The following IL1RAPL1 variants were observed in gnomAD, a reference collection of about 807,000 sequenced individuals.
IL1RAPL1 encodes the protein interleukin 1 receptor accessory protein like 1.
A neutral mutation model predicts 48.4 loss-of-function variants in IL1RAPL1; 3 were observed. The observed-to-expected ratio is 0.06, with a 90% CI of 0.03 to 0.16. The LOEUF (loss-of-function observed/expected upper bound fraction) is 0.16, where lower values mean the gene tolerates loss of function less well. Ranked by LOEUF, IL1RAPL1 falls within the 10% of genes least tolerant of loss-of-function variation. The probability of loss-of-function intolerance (pLI) is 1.00; values close to 1 mark genes in which losing one functional copy is unlikely to be tolerated. For missense variants in IL1RAPL1, 349 were observed against 530.6 expected, an observed-to-expected ratio of 0.66 and a Z score of 3.36; for synonymous variants, 185 against 187.7, an observed-to-expected ratio of 0.99 and a Z score of 0.12.
At chrX:29,843,139 C>T (rs140274653) in intron 6 of IL1RAPL1, among the ~76,000 whole-genome samples, 4,754 of 111,636 alleles carry the variant, frequency 0.043, 240 homozygotes, top group African/African-American at 0.14. Context: ...AATATTATGG[C>T]GTGTACTGAA....
chrX:29,226,444 C>CTTTTT (rs57929074), intron 2 of IL1RAPL1, among the ~76,000 whole-genome samples: 21 of 86,845 alleles, frequency 2.4e-4, no homozygotes, highest in South Asian at 5.3e-4. Context: ...TTCTTTCTTT[C>CTTTTT]TTTTTTTTTT....
At chrX:29,943,174 C>G (rs772029275) in intron 9 of IL1RAPL1, among the ~76,000 whole-genome samples, 2 of 111,946 alleles carry the variant, frequency 1.8e-5, no homozygotes, top group East Asian at 5.6e-4. Context: ...CTTTCTTTTT[C>G]TTAAGTTTTT....
At chrX:29,803,183 GTATA>G (rs755820654) in intron 6 of IL1RAPL1, among the ~76,000 whole-genome samples, 10 of 25,352 alleles carry the variant, frequency 3.9e-4, no homozygotes, top group African/African-American at 1.6e-3. Context: ...ATACATATAT[GTATA>G]TATGTATACA....
At chrX:28,792,130 T>G (rs1936544997) in intron 2 of IL1RAPL1, among the ~76,000 whole-genome samples, 3 of 112,040 alleles carry the variant, frequency 2.7e-5, no homozygotes, top group South Asian at 3.7e-4. Context: ...CTTTATTTTA[T>G]TCATCTTTTT....
intron 5 of IL1RAPL1, among the ~76,000 whole-genome samples, chrX:29,598,934 G>A (rs1267724303): frequency 8.9e-6 from 1 of 111,750 alleles, no homozygotes; most frequent in Non-Finnish European, 1.9e-5. Flanking sequence ...TATGTGTCAG[G>A]TGAATCTCCT....
chrX:29,531,399 A>C (rs1416042487), intron 5 of IL1RAPL1, among the ~76,000 whole-genome samples: 2 of 112,017 alleles, frequency 1.8e-5, no homozygotes, highest in Non-Finnish European at 3.8e-5. Context: ...AGCCATGTTT[A>C]GTATGCTTTT....
intron 5 of IL1RAPL1, among the ~76,000 whole-genome samples, chrX:29,482,195 T>C (rs1196908403): frequency 8.9e-6 from 1 of 111,889 alleles, no homozygotes; most frequent in Non-Finnish European, 1.9e-5. Flanking sequence ...TTCTGTTCAA[T>C]TTATGTAAAT....
chrX:29,888,849 T>TG (rs1343171636), intron 6 of IL1RAPL1, among the ~76,000 whole-genome samples: 2 of 111,675 alleles, frequency 1.8e-5, no homozygotes. Context: ...TGTTCCACAG[T>TG]GTTTTTAAAA....
intron 2 of IL1RAPL1, among the ~76,000 whole-genome samples, chrX:29,206,342 T>C (rs1034872755): frequency 8.1e-5 from 9 of 111,736 alleles, no homozygotes; most frequent in African/African-American, 2.9e-4. Context: ...AAGACATCTT[T>C]TCTTCTGATT....
intron 8 of IL1RAPL1, among the ~76,000 whole-genome samples, chrX:29,936,646 C>G (rs1024455732): frequency 2.7e-5 from 3 of 110,194 alleles, no homozygotes; most frequent in Non-Finnish European, 3.8e-5. Flanking sequence ...AAAGCTTTAC[C>G]TTTTCGAAGA....
At chrX:29,857,538 A>G (rs1053797952) in intron 6 of IL1RAPL1, among the ~76,000 whole-genome samples, 5 of 112,010 alleles carry the variant, frequency 4.5e-5, no homozygotes, top group African/African-American at 1.6e-4. Flanking sequence ...TGACATTTAG[A>G]TATGAAGAAT....
intron 2 of IL1RAPL1, among the ~76,000 whole-genome samples, chrX:28,945,078 GA>G (rs1924261880): frequency 9.0e-6 from 1 of 111,139 alleles, no homozygotes; most frequent in Non-Finnish European, 1.9e-5. Flanking sequence ...TCAGAATGAC[GA>G]TTATTAAAAA....
intron 2 of IL1RAPL1, among the ~76,000 whole-genome samples, chrX:28,984,129 C>T (rs1293908580): frequency 1.8e-5 from 2 of 112,164 alleles, no homozygotes; most frequent in South Asian, 3.7e-4. Flanking sequence ...AATATCTGCA[C>T]TTTCCAATAT....
intron 2 of IL1RAPL1, among the ~76,000 whole-genome samples, chrX:29,060,310 T>G (rs1198411824): frequency 8.9e-6 from 1 of 111,895 alleles, no homozygotes; most frequent in Non-Finnish European, 1.9e-5. Flanking sequence ...GGGCTGATTC[T>G]TACACTTTTT....
intron 6 of IL1RAPL1, among the ~76,000 whole-genome samples, chrX:29,908,015 GATTAAAAAAATTTAAATCAC>G (rs2147231774): frequency 9.0e-6 from 1 of 110,775 alleles, no homozygotes; most frequent in African/African-American, 3.3e-5. Context: ...TAGAGAATAA[GATTAAAAAAATTTAAATCAC>G]ATTAACTATA....
intron 8 of IL1RAPL1, among the ~76,000 whole-genome samples, chrX:29,931,956 A>G (rs1932955041): frequency 8.9e-6 from 1 of 112,541 alleles, no homozygotes; most frequent in South Asian, 3.6e-4. Flanking sequence ...TAGTAGAGGG[A>G]AAGCAATACT....
At chrX:29,687,232 C>T (rs1028167185) in intron 6 of IL1RAPL1, among the ~76,000 whole-genome samples, 1 of 111,926 alleles carries the variant, frequency 8.9e-6, no homozygotes, top group African/African-American at 3.2e-5. Flanking sequence ...CCACAATAGC[C>T]TGGATATGGA....
intron 6 of IL1RAPL1, among the ~76,000 whole-genome samples, chrX:29,834,908 T>A (rs747207440): frequency 1.0e-3 from 114 of 111,920 alleles, no homozygotes; most frequent in Non-Finnish European, 1.8e-3. Context: ...ACCAAGTCCA[T>A]GTCTCAGAGC....
chrX:29,497,036 A>G (rs1029413920), intron 5 of IL1RAPL1, among the ~76,000 whole-genome samples: 1 of 113,062 alleles, frequency 8.8e-6, no homozygotes, highest in Non-Finnish European at 1.9e-5. Context: ...CCCATAGGGC[A>G]TGAGGCAACA....
Sources: allele counts gnomAD v4.1 joint callset (sites outside exome capture counted in the v4.1 genomes callset), GRCh38; gene constraint gnomAD v4.1.1; transcripts MANE v1.5; gene names NCBI Gene and HGNC (gene_info 2026-07-23, HGNC 2026-07-21).